The following SLC39A14 variants were observed in gnomAD, a reference collection of about 807,000 sequenced individuals.
SLC39A14 encodes the protein metal cation symporter ZIP14.
SLC39A14 carries 19 observed loss-of-function variants against 45.5 expected under a neutral mutation model. The observed-to-expected ratio is 0.42, with a 90% CI of 0.29 to 0.61. The LOEUF is 0.61. SLC39A14 is among the 20% of genes least tolerant of loss of function. SLC39A14 has a pLI of 0.22. For synonymous variants in SLC39A14, 264 were observed against 251.3 expected (o/e 1.05, Z -0.48); for missense variants, 447 against 616.5 (o/e 0.73, Z 2.91).
At chr8:22,374,233 A>C (rs1319902823) in intron 1 of SLC39A14, among the ~76,000 whole-genome samples, 2 of 152,210 alleles carry the variant, frequency 1.3e-5, no homozygotes, top group Non-Finnish European at 2.9e-5. Context: ...TGTTGGCTGC[A>C]GGGAGGGACT....
At chr8:22,424,092 G>A (rs975523364), downstream of SLC39A14, among the ~76,000 whole-genome samples, 38 of 152,012 alleles carry the variant, frequency 2.5e-4, no homozygotes, top group African/African-American at 6.5e-4. Flanking sequence ...GGCCAAAATC[G>A]ATTAGTTTAT....
intron 7 of SLC39A14, 143 bp downstream of exon 7, chr8:22,416,423 C>A (rs574448510): frequency 4.3e-6 from 3 of 699,912 alleles, no homozygotes; most frequent in East Asian, 2.7e-5. Flanking sequence ...GCTTCATGGA[C>A]CCTAATCACC....
At position 22,419,648 on chromosome 8, in the gene SLC39A14, A is replaced by C; in HGVS notation, c.1429A>C (p.Thr477Pro). 1 of 1,614,090 alleles carries C rather than the reference A, an allele frequency of 6.2e-7. No homozygotes were observed. Among genetic ancestry groups the C allele is most frequent in the South Asian group, 1.1e-5 (1 of 91,070 alleles). The part of the protein sequence containing the change: ...IQNLGLLTGF[T>P]IMVVLTMYSG... Reference sequence around the variant, plus strand: ...GAACCTGGGCCTCCTGACTGGATTCACCATCATGGTGGTCCTCACCATGTA... The same window carrying C: ...GAACCTGGGCCTCCTGACTGGATTCCCCATCATGGTGGTCCTCACCATGTA... Residue 477 changes from threonine (T) to proline (P), a missense_variant, in exon 9 of 9, where the codon ACC (threonine) becomes CCC (proline). Thr to Pro is a conservative substitution (Grantham distance 38). This residue lies in a region of SLC39A14 where 105 missense variants were observed against 188.4 expected (regional missense o/e 0.56). Transcript: ENST00000381237.
At chr8:22,400,763 A>G (rs1214886700) in intron 1 of SLC39A14, among the ~76,000 whole-genome samples, 1 of 152,210 alleles carries the variant, frequency 6.6e-6, no homozygotes, top group Non-Finnish European at 1.5e-5. Flanking sequence ...GTATCACAGT[A>G]GGGGACTTAA....
intron 1 of SLC39A14, among the ~76,000 whole-genome samples, chr8:22,375,162 T>C (rs1273800599): frequency 6.7e-6 from 1 of 149,488 alleles, no homozygotes; most frequent in Non-Finnish European, 1.5e-5. Flanking sequence ...GCAGCCTCCT[T>C]TCCAGTCTGA....
intron 1 of SLC39A14, among the ~76,000 whole-genome samples, chr8:22,399,584 G>A (rs1834732859): frequency 6.6e-6 from 1 of 152,244 alleles, no homozygotes; most frequent in African/African-American, 2.4e-5. Context: ...TCAGTGCCCA[G>A]TGCAGCACAC....
intron 1 of SLC39A14, among the ~76,000 whole-genome samples, chr8:22,397,628 G>A (rs1179308030): frequency 6.6e-6 from 1 of 152,104 alleles, no homozygotes; most frequent in Non-Finnish European, 1.5e-5. Flanking sequence ...CCACCCTGAG[G>A]CCTGGCTTTG....
At chr8:22,430,449 C>T (rs983527308) in intron 8 of SLC39A14, among the ~76,000 whole-genome samples, 3 of 152,052 alleles carry the variant, frequency 2.0e-5, no homozygotes, top group Admixed American at 6.6e-5. Context: ...GGAAAATAGA[C>T]GGTAGGGGGA....
At chr8:22,371,405 A>T (rs1414078534) in intron 1 of SLC39A14, among the ~76,000 whole-genome samples, 1 of 121,258 alleles carries the variant, frequency 8.2e-6, no homozygotes, top group East Asian at 2.6e-4. Flanking sequence ...CTAAAAAAAA[A>T]ATACATGTCT....
chr8:22,408,210 C>A, intron 2 of SLC39A14, 100 bp from the exon 3 acceptor site: 1 of 1,068,988 alleles, frequency 9.4e-7, no homozygotes, highest in Non-Finnish European at 1.4e-6. Flanking sequence ...ACATTTCTGT[C>A]TTCTCTTTTT....
chr8:22,408,766 CT>C (rs1835381632), intron 3 of SLC39A14, among the ~76,000 whole-genome samples: 1 of 151,706 alleles, frequency 6.6e-6, no homozygotes, highest in Non-Finnish European at 1.5e-5. Context: ...CCTTTTTGGT[CT>C]GCTTTTTGTT....
intron 1 of SLC39A14, among the ~76,000 whole-genome samples, chr8:22,371,452 G>GCA (rs1832931300): frequency 5.7e-4 from 1 of 1,754 alleles, no homozygotes; most frequent in South Asian, 0.011. Flanking sequence ...TTTTTTTTTT[G>GCA]AGACGGAGTC....
At chr8:22,381,836 TATCA>T (rs1833531474) in intron 1 of SLC39A14, among the ~76,000 whole-genome samples, 1 of 152,054 alleles carries the variant, frequency 6.6e-6, no homozygotes, top group East Asian at 1.9e-4. Context: ...CAAATGAATA[TATCA>T]GCAAAAATGG....
intron 2 of SLC39A14, among the ~76,000 whole-genome samples, chr8:22,406,715 A>G (rs1477884047): frequency 1.3e-5 from 2 of 151,956 alleles, no homozygotes; most frequent in African/African-American, 4.8e-5. Context: ...AAAAAAAGGG[A>G]CGGGGGAACC....
rs554639966 is a variant in SLC39A14 at position 22,419,731 on chromosome 8, G to C, written c.*33G>C. The C allele has an allele frequency of 6.5e-7, 1 of 1,544,316 alleles. No individual in the cohort carries two copies. Among genetic ancestry groups the C allele is most frequent in the Non-Finnish European group, 8.7e-7 (1 of 1,146,450 alleles). On this transcript the variant is annotated 3_prime_UTR_variant, in exon 9 of 9. Transcript: ENST00000381237. ...CCAAGAGCCTGTGGGACTGGAAGTCGGGCCCTGGGCTGCCCGATCGCCAGC... is the reference window on the plus strand; with the variant it reads ...CCAAGAGCCTGTGGGACTGGAAGTCCGGCCCTGGGCTGCCCGATCGCCAGC...
At position 22,369,259 on chromosome 8, in the gene SLC39A14, C is replaced by T. The variant is rs375213696; in HGVS notation, c.-16+1851C>T. On this transcript the variant is annotated intron_variant, in intron 1 of 8. Coordinates refer to ENST00000381237, the MANE Select transcript of SLC39A14 (RefSeq NM_001128431.4). Reference sequence around the variant, plus strand: ...AATTTATCATATTTTACTCATCTGGCCTCTGGGGCCTTGAGGGAGGGCAGT... The same window carrying T: ...AATTTATCATATTTTACTCATCTGGTCTCTGGGGCCTTGAGGGAGGGCAGT... Among the ~76,000 whole-genome samples, 35 of 152,258 alleles carry T rather than the reference C, an allele frequency of 2.3e-4. 1 individual carries two copies. Among genetic ancestry groups the T allele is most frequent in the African/African-American group, 8.2e-4 (34 of 41,548 alleles).
chr8:22,381,825 AC>A (rs1157493591), intron 1 of SLC39A14, among the ~76,000 whole-genome samples: 6 of 152,200 alleles, frequency 3.9e-5, no homozygotes, highest in African/African-American at 1.2e-4. Context: ...AATAAAAAAA[AC>A]AAATGAATAT....
chr8:22,406,126 C>T (rs1252164987), intron 2 of SLC39A14, among the ~76,000 whole-genome samples: 2 of 152,308 alleles, frequency 1.3e-5, no homozygotes, highest in East Asian at 1.9e-4. Flanking sequence ...CCAGCTGCCC[C>T]TTGAAAGATG....
rs1352571581 is a variant in SLC39A14 at position 22,385,416 on chromosome 8, G to A, written c.-16+18008G>A. ...GATGGATAATGAAAAAAGACTAATA[G>A]GGCATTAGGGTTCTCAATGCCTGGG... On this transcript the variant is annotated intron_variant, in intron 1 of 8. Transcript: ENST00000381237. 3.9e-5 allele frequency among the ~76,000 whole-genome samples: 6 copies of A among 152,276 alleles called. No homozygotes were observed. The East Asian group carries it at 1.2e-3, about 29-fold the overall frequency.
Sources: gnomAD v4.1 joint callset for allele counts (sites outside exome capture counted in the v4.1 genomes callset) on GRCh38, gnomAD v4.1.1 for gene constraint, gnomAD v4.1.1 regional missense constraint, MANE v1.5 for transcripts, NCBI Gene and HGNC (gene_info 2026-07-23, HGNC 2026-07-21) for gene names.